Variants in KIAA1549L observed in about 807,000 individuals in gnomAD.
The protein encoded by KIAA1549L is UPF0606 protein KIAA1549L.
In KIAA1549L, 88 loss-of-function variants were observed where a neutral mutation model predicts 160.7. That is an observed-to-expected ratio of 0.55 (90% CI 0.46 to 0.65). The LOEUF (loss-of-function observed/expected upper bound fraction) is 0.65. KIAA1549L is among the 30% of genes least tolerant of loss of function. KIAA1549L has a pLI of 0.00. For missense variants in KIAA1549L, 2,258 were observed against 2,437.5 expected, an observed-to-expected ratio of 0.93 and a Z score of 1.55; for synonymous variants, 950 against 976.7, an observed-to-expected ratio of 0.97 and a Z score of 0.51.
At chr11:33,424,899 C>T (rs953231005) in intron 1 of KIAA1549L, among the ~76,000 whole-genome samples, 1 of 152,134 alleles carries the variant, frequency 6.6e-6, no homozygotes, top group African/African-American at 2.4e-5. Flanking sequence ...AGAGGTGCTG[C>T]CTTTCTGGCC....
At chr11:33,548,768 T>C (rs1197932808) in intron 4 of KIAA1549L, among the ~76,000 whole-genome samples, 1 of 152,214 alleles carries the variant, frequency 6.6e-6, no homozygotes, top group Non-Finnish European at 1.5e-5. Flanking sequence ...GTAAATGCAG[T>C]TGGCAGTCAG....
At chr11:33,406,125 T>A (rs1850645846) in intron 1 of KIAA1549L, among the ~76,000 whole-genome samples, 1 of 152,222 alleles carries the variant, frequency 6.6e-6, no homozygotes, top group Non-Finnish European at 1.5e-5. Flanking sequence ...GCCTCCCTTT[T>A]TTACTCTAGT....
chr11:33,397,333 CA>C (rs56097253), intron 1 of KIAA1549L, among the ~76,000 whole-genome samples: 13,622 of 135,008 alleles, frequency 0.1, 952 homozygotes, highest in East Asian at 0.25. Flanking sequence ...GACTCTGTGT[CA>C]AAAAAAAAAA....
intron 20 of KIAA1549L, among the ~76,000 whole-genome samples, chr11:33,662,217 G>T (rs1391899487): frequency 1.3e-5 from 2 of 151,886 alleles, no homozygotes; most frequent in African/African-American, 4.8e-5. Context: ...TACTATCATG[G>T]CCCAGTATAT....
chr11:33,489,569 G>A (rs753544197), intron 1 of KIAA1549L, among the ~76,000 whole-genome samples: 1 of 152,182 alleles, frequency 6.6e-6, no homozygotes, highest in Non-Finnish European at 1.5e-5. Context: ...ATGTAGTTTT[G>A]CTCCATGTAG....
At position 33,470,115 on chromosome 11, in the gene KIAA1549L, C is replaced by G. The variant is rs73487009; in HGVS notation, c.239-71687C>G. Among the ~76,000 whole-genome samples the G allele has an allele frequency of 8.5e-3, 1,285 of 152,038 alleles. 21 individuals are homozygous for G. Among genetic ancestry groups the G allele is most frequent in the African/African-American group, 0.029 (1,220 of 41,468 alleles). On this transcript the variant is annotated intron_variant, in intron 1 of 20. Coordinates refer to ENST00000658780, the MANE Select transcript of KIAA1549L (RefSeq NM_012194.3). ...TAATCTAAGGTCATGAGAATTTACT[C>G]CTATGTTTTCTTCAAAGAGTTTTGT...
chr11:33,450,250 A>T (rs1565142436), intron 1 of KIAA1549L, among the ~76,000 whole-genome samples: 1 of 152,084 alleles, frequency 6.6e-6, no homozygotes, highest in African/African-American at 2.4e-5. Flanking sequence ...TTTAGGTGCA[A>T]TCAAAGACGT....
intron 10 of KIAA1549L, among the ~76,000 whole-genome samples, chr11:33,578,228 T>G (rs947506154): frequency 6.6e-6 from 1 of 152,124 alleles, no homozygotes; most frequent in African/African-American, 2.4e-5. Flanking sequence ...CAGGTTAGAC[T>G]CATGGAGGCT....
intron 1 of KIAA1549L, among the ~76,000 whole-genome samples, chr11:33,501,210 C>A (rs917498464): frequency 5.9e-5 from 9 of 152,192 alleles, no homozygotes; most frequent in African/African-American, 2.2e-4. Context: ...AGAAGACAGA[C>A]CTTTGTTTGC....
intron 1 of KIAA1549L, among the ~76,000 whole-genome samples, chr11:33,435,476 G>GTAT (rs1851333624): frequency 6.6e-6 from 1 of 151,876 alleles, no homozygotes. Context: ...AATCACACAT[G>GTAT]TATTATAGTA....
intron 10 of KIAA1549L, among the ~76,000 whole-genome samples, chr11:33,580,602 G>GAA (rs71457309): frequency 1.4e-5 from 2 of 138,350 alleles, no homozygotes; most frequent in Admixed American, 1.4e-4. Context: ...GAAAAGAAAA[G>GAA]AAAAAAAAAG....
intron 14 of KIAA1549L, among the ~76,000 whole-genome samples, chr11:33,607,400 A>G (rs1429358220): frequency 6.6e-6 from 1 of 152,200 alleles, no homozygotes; most frequent in African/African-American, 2.4e-5. Flanking sequence ...TTCACCATAG[A>G]GTGATGATTT....
chr11:33,537,729 C>T (rs1371224952), intron 1 of KIAA1549L, among the ~76,000 whole-genome samples: 1 of 152,136 alleles, frequency 6.6e-6, no homozygotes, highest in South Asian at 2.1e-4. Context: ...TTGAATCAGT[C>T]TTTTCAAATG....
At chr11:33,638,785 C>T (rs538900437) in intron 16 of KIAA1549L, among the ~76,000 whole-genome samples, 1 of 152,334 alleles carries the variant, frequency 6.6e-6, no homozygotes, top group South Asian at 2.1e-4. Context: ...TAGTCTTAAA[C>T]CTCACCAACA....
chr11:33,559,759 C>T lies in KIAA1549L; in HGVS notation c.3866C>T (p.Thr1289Met), dbSNP rs762355801. 10 of 1,613,750 alleles carry T rather than the reference C, an allele frequency of 6.2e-6. No individual in the cohort carries two copies. Among genetic ancestry groups the T allele is most frequent in the Non-Finnish European group, 8.5e-6 (10 of 1,179,810 alleles). ...CCTGTGTTGATTCAGATTGTGAGCA[C>T]GTCCAATGCCTCCCAGGCAGTCACC... is the stretch of plus-strand genomic sequence containing the variant. ...KSNLTIQIVS[T>M]SNASQAVTLV... The change falls in exon 7 of 21, where the codon ACG (threonine) becomes ATG (methionine). Residue 1289 changes from threonine to methionine, a missense_variant. By Grantham distance (81) the Thr-to-Met change is moderately conservative (BLOSUM62 -1). This residue lies in a region of KIAA1549L where 1,359 missense variants were observed against 1,546.6 expected (regional missense o/e 0.88). Transcript: ENST00000658780.
chr11:33,513,430 A>T (rs1347301175), intron 1 of KIAA1549L, among the ~76,000 whole-genome samples: 1 of 152,156 alleles, frequency 6.6e-6, no homozygotes, highest in Non-Finnish European at 1.5e-5. Flanking sequence ...AGATCCTGGA[A>T]TCCCAGAAGA....
chr11:33,476,666 C>T (rs920972216), intron 1 of KIAA1549L, among the ~76,000 whole-genome samples: 2 of 152,168 alleles, frequency 1.3e-5, no homozygotes, highest in Non-Finnish European at 2.9e-5. Flanking sequence ...CTTTCAGAAC[C>T]TTGCAGTTCC....
chr11:33,526,362 A>G (rs944328396), intron 1 of KIAA1549L, among the ~76,000 whole-genome samples: 3 of 152,218 alleles, frequency 2.0e-5, no homozygotes, highest in Non-Finnish European at 2.9e-5. Flanking sequence ...CATAACCAGC[A>G]TTTGAGGAAA....
At chr11:33,420,246 T>G (rs1565129140) in intron 1 of KIAA1549L, among the ~76,000 whole-genome samples, 1 of 150,028 alleles carries the variant, frequency 6.7e-6, no homozygotes, top group African/African-American at 2.5e-5. Flanking sequence ...TTTTTTTTTT[T>G]TTTTTGAGAC....
Sources: gnomAD v4.1 joint callset for allele counts (sites outside exome capture counted in the v4.1 genomes callset) on GRCh38, gnomAD v4.1.1 for gene constraint, gnomAD v4.1.1 regional missense constraint, MANE v1.5 for transcripts, NCBI Gene and HGNC (gene_info 2026-07-23, HGNC 2026-07-21) for gene names.